PRR14L: variants seen among roughly 807,000 people sequenced by gnomAD.
PRR14L encodes proline rich 14 like.
In PRR14L, 80 loss-of-function variants were observed where a neutral mutation model predicts 155.0. The ratio of observed to expected loss-of-function variants is 0.52; its 90% confidence interval spans 0.43 to 0.62. PRR14L has a LOEUF of 0.62. PRR14L is among the 20% of genes least tolerant of loss of function. The pLI is 0.00. For missense variants in PRR14L, 2,469 were observed against 2,548.0 expected (o/e 0.97, Z 0.67); for synonymous variants, 883 against 916.0 (o/e 0.96, Z 0.65).
rs1398476150 is a variant in PRR14L at position 31,684,611 on chromosome 22, C to G, written c.*916G>C. 1 of 152,114 alleles carries G rather than the reference C, an allele frequency of 6.6e-6. No homozygotes were observed. The highest frequency in any genetic ancestry group is 2.4e-5 in the African/African-American group (1 of 41,440). The allele number at this position is 152,114 out of a possible 1,614,324, so 9.4% of individuals were successfully genotyped here. On this transcript the variant is annotated 3_prime_UTR_variant, in exon 9 of 9. Transcript: ENST00000327423. ...GAACCCAGATGAAAAAAAGTGCTCC[C>G]TCTAATGAGTTACACTAGAAGCTGG...
At chr22:31,706,087 T>C (rs924224390) in intron 4 of PRR14L, among the ~76,000 whole-genome samples, 1 of 151,682 alleles carries the variant, frequency 6.6e-6, no homozygotes, top group Admixed American at 6.6e-5. Context: ...TCCCAGCACT[T>C]TGGGGAGGCT....
At chr22:31,700,050 C>T (rs1048721930) in intron 7 of PRR14L, among the ~76,000 whole-genome samples, 1 of 152,086 alleles carries the variant, frequency 6.6e-6, no homozygotes, top group Non-Finnish European at 1.5e-5. Flanking sequence ...GGACCCTTCT[C>T]GGTCTGCGCC....
chr22:31,720,667 G>A (rs966638107), intron 3 of PRR14L, among the ~76,000 whole-genome samples: 13 of 152,312 alleles, frequency 8.5e-5, no homozygotes, highest in East Asian at 3.9e-4. Flanking sequence ...CCCCGGAAGC[G>A]AAGGTTGCAG....
rs1051115477 is a variant in PRR14L, at chr22:31,716,262, G to A, written c.1577C>T (p.Pro526Leu). The A allele has an allele frequency of 1.9e-6, 3 of 1,551,510 alleles. No homozygotes were observed. The highest frequency in any genetic ancestry group is 2.6e-6 in the Non-Finnish European group (3 of 1,146,944). The change falls in exon 4 of 9, where the codon CCT becomes CTT. Residue 526 changes from proline (P) to leucine (L), a missense_variant. Physicochemically the swap from Pro to Leu is moderately conservative, Grantham distance 98. Around this residue, in one of 2 missense-constraint regions of PRR14L, gnomAD observed 2,363 missense variants for 2,371.6 expected, o/e 1.00. Coordinates refer to ENST00000327423, the MANE Select transcript of PRR14L (RefSeq NM_173566.3). ...TTTACTTAATATATTGGGCTCTACA[G>A]GGGTTGTCTGTCCTGCCTCTTCAAT... Reference protein sequence around the residue: ...MQIEEAGQTTPVEPNILSKSF... With the variant: ...MQIEEAGQTTLVEPNILSKSF...
chr22:31,745,672 C>T (rs918391725), intron 1 of PRR14L, among the ~76,000 whole-genome samples: 11 of 151,310 alleles, frequency 7.3e-5, no homozygotes, highest in Non-Finnish European at 1.6e-4. Flanking sequence ...ATGGTGAAAC[C>T]CTATCTCTAC....
Position 31,713,427 on chromosome 22 carries a change from C to G in PRR14L, c.4412G>C (p.Arg1471Thr), listed in dbSNP as rs556636542. The G allele has an allele frequency of 1.9e-5, 30 of 1,551,688 alleles. No homozygotes were observed. The highest frequency in any genetic ancestry group is 2.5e-5 in the Non-Finnish European group (29 of 1,147,038). The change falls in exon 4 of 9, where the codon AGG becomes ACG. Residue 1471 changes from arginine (R) to threonine (T), a missense_variant. Around this residue, in one of 2 missense-constraint regions of PRR14L, gnomAD observed 2,363 missense variants for 2,371.6 expected, o/e 1.00. Transcript: ENST00000327423. ...TQKLEDQKEE[R>T]LHHPLRKDTE... ...GTCCTTCCTTAATGGATGATGTAAC[C>G]TTTCCTCCTTCTGGTCTTCTAACTT...
intron 1 of PRR14L, among the ~76,000 whole-genome samples, chr22:31,741,184 C>T (rs535772511): frequency 5.2e-5 from 7 of 135,688 alleles, no homozygotes; most frequent in South Asian, 2.5e-4. Flanking sequence ...ACCCGGGAGG[C>T]GGAGCTTGCA....
In PRR14L at chr22:31,683,983, A is replaced by G. The variant is rs1187077698; in HGVS notation, c.*1544T>C. 2.0e-5 allele frequency: 3 copies of G among 152,264 alleles called. No individual in the cohort carries two copies. The highest frequency in any genetic ancestry group is 2.0e-4 in the Admixed American group (3 of 15,260). The allele number at this position is 152,264 out of a possible 1,614,324, so 9.4% of individuals were successfully genotyped here. ...CCATGCCAGTGGCTCCCAGGAGGAT[A>G]TGAAGAGGTGATGCTGGTGTCCTGA... On this transcript the variant is annotated 3_prime_UTR_variant, in exon 9 of 9. Transcript: ENST00000327423.
chr22:31,685,074 A>G lies in PRR14L; in HGVS notation c.*453T>C, dbSNP rs75899877. The G allele has an allele frequency of 0.013, 2,217 of 167,274 alleles. 56 individuals carry two copies. Among genetic ancestry groups the G allele is most frequent in the African/African-American group, 0.051 (2,133 of 41,642 alleles). The allele number at this position is 167,274 out of a possible 1,614,324, so 10.4% of individuals were successfully genotyped here. Reference sequence around the variant, plus strand: ...TACTGAAATGAGCCAGTGAGACCACACAGGACAGGACGCCAGGTCCCCCTC... The same window carrying G: ...TACTGAAATGAGCCAGTGAGACCACGCAGGACAGGACGCCAGGTCCCCCTC... On this transcript the variant is annotated 3_prime_UTR_variant, in exon 9 of 9. Coordinates refer to ENST00000327423, the MANE Select transcript of PRR14L (RefSeq NM_173566.3).
chr22:31,734,046 C>G (rs1251891659), intron 2 of PRR14L, among the ~76,000 whole-genome samples: 1 of 152,136 alleles, frequency 6.6e-6, no homozygotes. Context: ...AATCTCGGCT[C>G]ACTACAACCT....
chr22:31,702,376 C>T (rs186107023), intron 6 of PRR14L, among the ~76,000 whole-genome samples: 54 of 152,320 alleles, frequency 3.5e-4, no homozygotes, highest in African/African-American at 1.1e-3. Context: ...GCATGTGCCA[C>T]CACGCCCGGC....
chr22:31,727,369 G>A (rs2074722122), intron 2 of PRR14L, among the ~76,000 whole-genome samples: 1 of 151,818 alleles, frequency 6.6e-6, no homozygotes, highest in African/African-American at 2.4e-5. Flanking sequence ...GAGTAGCTGG[G>A]ACTACAGGTG....
Position 31,717,119 on chromosome 22 carries a change from A to C in PRR14L, c.720T>G (p.Ser240Arg). The C allele has an allele frequency of 6.4e-7, 1 of 1,552,234 alleles. No homozygotes were observed. Among genetic ancestry groups the C allele is most frequent in the Non-Finnish European group, 8.7e-7 (1 of 1,147,108 alleles). ...EFQEVDKIMT[S>R]DEVSETSTLV... Reference sequence around the variant, plus strand: ...ATGTGCTGGTTTCTGAAACCTCATCACTGGTCATGATTTTGTCTACTTCTT... The same window carrying C: ...ATGTGCTGGTTTCTGAAACCTCATCCCTGGTCATGATTTTGTCTACTTCTT... Residue 240 changes from serine to arginine, a missense_variant, in exon 4 of 9, where the codon AGT (serine) becomes AGG (arginine). Ser to Arg is a moderately radical substitution (Grantham distance 110, BLOSUM62 -1). This residue lies in a region of PRR14L where 2,363 missense variants were observed against 2,371.6 expected (regional missense o/e 1.00). Coordinates refer to ENST00000327423, the MANE Select transcript of PRR14L (RefSeq NM_173566.3).
Position 31,706,644 on chromosome 22 carries a change from G to A in PRR14L, c.5757-1918C>T, listed in dbSNP as rs569021542. On this transcript the variant is annotated intron_variant, in intron 4 of 8. Coordinates refer to ENST00000327423, the MANE Select transcript of PRR14L (RefSeq NM_173566.3). Reference sequence around the variant, plus strand: ...TCACCATATTGGCCAGGCTGGTCTCGAACTCCTGACCTTGTGGTCTGCCTA... The same window carrying A: ...TCACCATATTGGCCAGGCTGGTCTCAAACTCCTGACCTTGTGGTCTGCCTA... Among the ~76,000 whole-genome samples the A allele has an allele frequency of 3.3e-5, 5 of 152,042 alleles. No homozygotes were observed. The South Asian group carries it at 8.3e-4, about 25-fold the overall frequency.
chr22:31,685,660 G>A lies in PRR14L; in HGVS notation c.6323C>T (p.Ala2108Val). The A allele has an allele frequency of 6.4e-7, 1 of 1,551,820 alleles. No homozygotes were observed. Among genetic ancestry groups the A allele is most frequent in the Non-Finnish European group, 8.7e-7 (1 of 1,147,012 alleles). Residue 2108 changes from alanine (A) to valine (V), a missense_variant, in exon 9 of 9, where the codon GCA (alanine) becomes GTA (valine). Ala to Val is a moderately conservative substitution (Grantham distance 64). This residue lies in a region of PRR14L where 106 missense variants were observed against 176.4 expected (regional missense o/e 0.60). Transcript: ENST00000327423. ...CTTCTGGGCCCTGGTAAAGCTGCCT[G>A]CCACCTTGACTTTGCCTCGAGCTCT... ...KRRARGKVKVAGSFTRAQKAA... is the reference protein window; with the variant it reads ...KRRARGKVKVVGSFTRAQKAA...
rs1033741333 is a variant in PRR14L at position 31,684,778 on chromosome 22, A to C, written c.*749T>G. On this transcript the variant is annotated 3_prime_UTR_variant, in exon 9 of 9. Coordinates refer to ENST00000327423, the MANE Select transcript of PRR14L (RefSeq NM_173566.3). ...AAAAAAATGTTTTAAAATCACATTT[A>C]AAGGCTCCACACATGCAGCAATAAT... The C allele has an allele frequency of 1.5e-4, 23 of 152,244 alleles. No individual in the cohort carries two copies. The highest frequency in any genetic ancestry group is 5.5e-4 in the African/African-American group (23 of 41,468). The allele number at this position is 152,244 out of a possible 1,614,324, so 9.4% of individuals were successfully genotyped here.
At position 31,715,236 on chromosome 22, in the gene PRR14L, G is replaced by A; in HGVS notation, c.2603C>T (p.Pro868Leu). The A allele has an allele frequency of 6.4e-7, 1 of 1,552,268 alleles. No individual in the cohort carries two copies. The highest frequency in any genetic ancestry group is 8.7e-7 in the Non-Finnish European group (1 of 1,147,138). The change falls in exon 4 of 9, where the codon CCA becomes CTA. Residue 868 changes from proline (P) to leucine (L), a missense_variant. By Grantham distance (98) the Pro-to-Leu change is moderately conservative. Transcript: ENST00000327423. ...CATTTTGTTTCTGATCTTATCTCCTGGAAGGCTGCCATTCGTTTCTTTCCC... is the reference window on the plus strand; with the variant it reads ...CATTTTGTTTCTGATCTTATCTCCTAGAAGGCTGCCATTCGTTTCTTTCCC... Reference protein sequence around the residue: ...LDGKETNGSLPGDKIRNKMVA... With the variant: ...LDGKETNGSLLGDKIRNKMVA...
chr22:31,736,464 T>C (rs1306172717), intron 2 of PRR14L, among the ~76,000 whole-genome samples: 4 of 151,640 alleles, frequency 2.6e-5, no homozygotes, highest in Non-Finnish European at 5.9e-5. Context: ...CATTCATTCC[T>C]AATCATAGTC....
In PRR14L at chr22:31,703,603, C is replaced by T. The variant is rs1399987003; in HGVS notation, c.5947G>A (p.Gly1983Ser). The T allele has an allele frequency of 6.2e-7, 1 of 1,613,954 alleles. No homozygotes were observed. The highest frequency in any genetic ancestry group is 1.1e-5 in the South Asian group (1 of 91,064). ...GGGCAGGGGCATGCTGCTTTCACAC[C>T]ATCCAGCTCATCCAATCCACGAACC... ...FQVRGLDELD[G>S]VKAACPCPQS... The change falls in exon 6 of 9, where the codon GGT becomes AGT. Residue 1983 changes from glycine to serine, a missense_variant. Physicochemically the swap from Gly to Ser is moderately conservative, Grantham distance 56. Around this residue, in one of 2 missense-constraint regions of PRR14L, gnomAD observed 2,363 missense variants for 2,371.6 expected, o/e 1.00. Coordinates refer to ENST00000327423, the MANE Select transcript of PRR14L (RefSeq NM_173566.3).
Sources: gnomAD v4.1 joint callset for allele counts (sites outside exome capture counted in the v4.1 genomes callset) on GRCh38, gnomAD v4.1.1 for gene constraint, gnomAD v4.1.1 regional missense constraint, MANE v1.5 for transcripts, NCBI Gene and HGNC (gene_info 2026-07-23, HGNC 2026-07-21) for gene names.